IMMP2L: variants seen among roughly 807,000 people sequenced by gnomAD.
IMMP2L encodes the protein mitochondrial inner membrane protease subunit 2.
A neutral mutation model predicts 19.3 loss-of-function variants in IMMP2L; 18 were observed. That is an observed-to-expected ratio of 0.93 (90% CI 0.64 to 1.38). The LOEUF (loss-of-function observed/expected upper bound fraction) is 1.38, where lower values mean the gene tolerates loss of function less well. Among genes scored for constraint, IMMP2L ranks in the 40% most tolerant of loss-of-function variants. The pLI is 0.00. For synonymous variants in IMMP2L, 76 were observed against 73.0 expected (o/e 1.04, Z -0.21); for missense variants, 233 against 218.2 (o/e 1.07, Z -0.43).
At position 110,886,575 on chromosome 7, in the gene IMMP2L, AG is replaced by A; in HGVS notation, c.408+17del. 1.5e-6 allele frequency: 2 copies of A among 1,363,802 alleles called. No individual in the cohort carries two copies. The highest frequency in any genetic ancestry group is 2.1e-6 in the Non-Finnish European group (2 of 952,272). 84.5% of individuals were successfully genotyped at this position (1,363,802 alleles called of 1,614,324 possible). A position where few individuals can be genotyped will look rare whatever the true frequency, so the allele number is the denominator to read the frequency against. The stretch of plus-strand genomic sequence containing the variant: ...TTGAAATCCAATTACATCAACAAGA[AG>A]ATAAAAGATGACTTACCGGCCCAAA... On this transcript the variant is annotated intron_variant, in intron 5 of 5. Coordinates refer to ENST00000405709, the MANE Select transcript of IMMP2L (RefSeq NM_032549.4).
intron 3 of IMMP2L, among the ~76,000 whole-genome samples, chr7:111,241,614 C>T (rs1445602134): frequency 6.6e-6 from 1 of 151,786 alleles, no homozygotes; most frequent in Non-Finnish European, 1.5e-5. Flanking sequence ...AAACAAAATG[C>T]AACTTGTTAT....
chr7:111,350,246 G>A (rs528020066), intron 3 of IMMP2L, among the ~76,000 whole-genome samples: 12 of 151,894 alleles, frequency 7.9e-5, no homozygotes, highest in Non-Finnish European at 1.3e-4. Context: ...GATTATAGGC[G>A]TGAGCCACCA....
In IMMP2L at chr7:111,087,881, T is replaced by C. The variant is rs372312496; in HGVS notation, c.240-124316A>G. ...GTCAAACATTTGTTCAAGACTACTA[T>C]ATTTCAGCACTTTTCTAAACCCGGT... is the stretch of plus-strand genomic sequence containing the variant. On this transcript the variant is annotated intron_variant, in intron 3 of 5. Coordinates refer to ENST00000405709, the MANE Select transcript of IMMP2L (RefSeq NM_032549.4). 5.3e-5 allele frequency among the ~76,000 whole-genome samples: 8 copies of C among 152,204 alleles called. No individual in the cohort carries two copies. In the East Asian group the frequency reaches 1.2e-3, roughly 22 times the overall value.
chr7:111,120,079 C>T (rs911380520), intron 3 of IMMP2L, among the ~76,000 whole-genome samples: 2 of 152,190 alleles, frequency 1.3e-5, no homozygotes, highest in African/African-American at 4.8e-5. Context: ...AAATGGCAGA[C>T]GGTGAGGTAA....
intron 5 of IMMP2L, among the ~76,000 whole-genome samples, chr7:110,852,199 A>T (rs189764484): frequency 6.7e-6 from 1 of 148,748 alleles, no homozygotes; most frequent in South Asian, 2.2e-4. Context: ...GGTGGATGGA[A>T]GGATGGATGG....
intron 3 of IMMP2L, among the ~76,000 whole-genome samples, chr7:111,079,194 T>G (rs2129576206): frequency 6.7e-6 from 1 of 150,200 alleles, no homozygotes; most frequent in South Asian, 2.1e-4. Context: ...CTCGGCTCAC[T>G]GCAAGCTCCG....
intron 3 of IMMP2L, among the ~76,000 whole-genome samples, chr7:111,439,404 C>T (rs1837498917): frequency 6.6e-6 from 1 of 151,802 alleles, no homozygotes; most frequent in South Asian, 2.1e-4. Flanking sequence ...CAGAGGTACA[C>T]ACACCAGTGG....
intron 3 of IMMP2L, among the ~76,000 whole-genome samples, chr7:111,032,433 A>G (rs972683328): frequency 2.0e-5 from 3 of 152,210 alleles, no homozygotes; most frequent in African/African-American, 7.2e-5. Flanking sequence ...CTGGGAGAAA[A>G]TATTTTCAAA....
chr7:111,018,177 A>G (rs1825898768), intron 3 of IMMP2L, among the ~76,000 whole-genome samples: 1 of 152,132 alleles, frequency 6.6e-6, no homozygotes, highest in South Asian at 2.1e-4. Context: ...TTTCCTATAC[A>G]TATATTGTTC....
chr7:110,796,262 T>C (rs1800857169), intron 5 of IMMP2L, among the ~76,000 whole-genome samples: 1 of 151,908 alleles, frequency 6.6e-6, no homozygotes, highest in South Asian at 2.1e-4. Flanking sequence ...GAGAAAGAAC[T>C]AATACAGATG....
At chr7:111,443,757 T>A (rs1156845027) in intron 3 of IMMP2L, among the ~76,000 whole-genome samples, 1 of 152,196 alleles carries the variant, frequency 6.6e-6, no homozygotes, top group Non-Finnish European at 1.5e-5. Flanking sequence ...TTCTTCCTAT[T>A]TTTAAATGTG....
At chr7:110,809,104 A>G (rs1801841201) in intron 5 of IMMP2L, among the ~76,000 whole-genome samples, 1 of 152,048 alleles carries the variant, frequency 6.6e-6, no homozygotes, top group African/African-American at 2.4e-5. Context: ...TCAACTTCAC[A>G]TCATTTTTCT....
At chr7:111,060,589 T>C (rs1563202846) in intron 3 of IMMP2L, among the ~76,000 whole-genome samples, 1 of 152,170 alleles carries the variant, frequency 6.6e-6, no homozygotes, top group African/African-American at 2.4e-5. Flanking sequence ...GTTAATACTT[T>C]GGGGCAAGTT....
intron 5 of IMMP2L, among the ~76,000 whole-genome samples, chr7:110,733,702 A>G (rs1796427913): frequency 1.3e-5 from 2 of 152,164 alleles, no homozygotes; most frequent in Non-Finnish European, 1.5e-5. Context: ...TAAGGCCTTT[A>G]GTATGTGATT....
intron 5 of IMMP2L, among the ~76,000 whole-genome samples, chr7:110,665,413 C>G (rs1475105431): frequency 6.6e-6 from 1 of 152,070 alleles, no homozygotes; most frequent in Non-Finnish European, 1.5e-5. Context: ...GAACATGATA[C>G]CATTATTATA....
At chr7:110,744,145 C>T (rs1346777854) in intron 5 of IMMP2L, among the ~76,000 whole-genome samples, 2 of 152,126 alleles carry the variant, frequency 1.3e-5, no homozygotes, top group Non-Finnish European at 2.9e-5. Flanking sequence ...GCCACCAGGA[C>T]GTTCGAACTG....
chr7:111,419,208 T>A (rs1835243910), intron 3 of IMMP2L, among the ~76,000 whole-genome samples: 1 of 151,778 alleles, frequency 6.6e-6, no homozygotes, highest in South Asian at 2.1e-4. Flanking sequence ...GACTAAAAAA[T>A]TTTGAATTAT....
intron 3 of IMMP2L, among the ~76,000 whole-genome samples, chr7:111,420,027 A>G (rs754958519): frequency 6.6e-6 from 1 of 151,862 alleles, no homozygotes. Flanking sequence ...CTGCACCACA[A>G]TAAGAATGTA....
intron 3 of IMMP2L, among the ~76,000 whole-genome samples, chr7:111,203,895 C>T (rs1810425925): frequency 6.6e-6 from 1 of 152,030 alleles, no homozygotes; most frequent in South Asian, 2.1e-4. Flanking sequence ...AAGACCATTA[C>T]ATTGGTTACC....
Sources: allele counts gnomAD v4.1 joint callset (sites outside exome capture counted in the v4.1 genomes callset), GRCh38; gene constraint gnomAD v4.1.1; transcripts MANE v1.5; gene names NCBI Gene and HGNC (gene_info 2026-07-23, HGNC 2026-07-21).